The following CR1L variants were observed in gnomAD, a reference collection of about 807,000 sequenced individuals.
The protein encoded by CR1L is complement C3b/C4b receptor 1 like.
A neutral mutation model predicts 62.3 loss-of-function variants in CR1L; 59 were observed. That is an observed-to-expected ratio of 0.95 (90% CI 0.77 to 1.18). The LOEUF is 1.18. Ranked by LOEUF, CR1L falls within the 50% of genes most tolerant of loss-of-function variation. The probability of loss-of-function intolerance (pLI) is 0.00; values close to 1 mark genes in which losing one functional copy is unlikely to be tolerated. For synonymous variants in CR1L, 279 were observed against 248.7 expected (o/e 1.12, Z -1.15); for missense variants, 700 against 702.8 (o/e 1.00, Z 0.04).
At chr1:207,669,575 TGGGGGGCGTG>T in intron 1 of CR1L, 2 of 1,486,510 alleles carry the variant, frequency 1.3e-6, no homozygotes, top group Admixed American at 3.8e-5. Flanking sequence ...GGTGAAACGC[TGGGGGGCGTG>T]GGGAGGCGCC....
chr1:207,691,343 CA>C (rs1663994357), intron 4 of CR1L, among the ~76,000 whole-genome samples: 1 of 151,766 alleles, frequency 6.6e-6, no homozygotes, highest in South Asian at 2.1e-4. Context: ...ATATATATTT[CA>C]AATCTTTTAC....
At chr1:207,663,541 C>A (rs911597507) in intron 1 of CR1L, among the ~76,000 whole-genome samples, 4 of 152,218 alleles carry the variant, frequency 2.6e-5, no homozygotes, top group African/African-American at 7.2e-5. Context: ...TGCCATCTGT[C>A]ACCCCTTTCT....
intron 1 of CR1L, among the ~76,000 whole-genome samples, chr1:207,654,870 C>G (rs957346088): frequency 9.8e-5 from 15 of 152,290 alleles, no homozygotes; most frequent in East Asian, 1.9e-4. Context: ...CTTGTCCTTA[C>G]TGAGCAAAGT....
intron 5 of CR1L, among the ~76,000 whole-genome samples, chr1:207,697,066 C>A (rs143923973): frequency 3.4e-4 from 52 of 152,180 alleles, no homozygotes; most frequent in African/African-American, 1.2e-3. Context: ...GATGGAGGGA[C>A]CTATTAGATG....
intron 4 of CR1L, among the ~76,000 whole-genome samples, chr1:207,690,589 G>T (rs1663981324): frequency 6.6e-6 from 1 of 152,214 alleles, no homozygotes; most frequent in South Asian, 2.1e-4. Flanking sequence ...TTATGGAGAA[G>T]CATGTGTAAA....
chr1:207,691,224 G>A (rs1663992629), intron 4 of CR1L, among the ~76,000 whole-genome samples: 1 of 152,070 alleles, frequency 6.6e-6, no homozygotes, highest in African/African-American at 2.4e-5. Flanking sequence ...TGAATTGACT[G>A]TTTTATCATA....
chr1:207,670,541 T>C lies in CR1L; in HGVS notation c.98-6848T>C, dbSNP rs1310542723. 2.6e-5 allele frequency among the ~76,000 whole-genome samples: 4 copies of C among 150,984 alleles called. 1 individual carries two copies. The highest frequency in any genetic ancestry group is 9.9e-5 in the African/African-American group (4 of 40,314). ...GTTGCCTAGACTCACTGGCAACATC[T>C]CACTTGAAGTGACAGTTTTGGTTGT... On this transcript the variant is annotated intron_variant, in intron 1 of 11. Coordinates refer to ENST00000508064, the MANE Select transcript of CR1L (RefSeq NM_175710.2).
At chr1:207,721,193 C>T (rs1030545977) in intron 11 of CR1L, among the ~76,000 whole-genome samples, 3 of 151,676 alleles carry the variant, frequency 2.0e-5, no homozygotes, top group Non-Finnish European at 4.4e-5. Flanking sequence ...TAACAAAGTA[C>T]CCTTTTTTTT....
intron 4 of CR1L, among the ~76,000 whole-genome samples, chr1:207,688,294 T>C (rs1663943880): frequency 6.6e-6 from 1 of 152,056 alleles, no homozygotes. Flanking sequence ...AGGCAATTGA[T>C]CTAATATCAT....
At chr1:207,689,487 G>A (rs1445699174) in intron 4 of CR1L, among the ~76,000 whole-genome samples, 1 of 151,938 alleles carries the variant, frequency 6.6e-6, no homozygotes, top group Non-Finnish European at 1.5e-5. Context: ...ATCATCCTTT[G>A]GAAATATTGC....
chr1:207,653,993 C>T (rs556284073), intron 1 of CR1L, among the ~76,000 whole-genome samples: 22 of 152,098 alleles, frequency 1.4e-4, no homozygotes, highest in Non-Finnish European at 2.8e-4. Flanking sequence ...GAGGGGCTCT[C>T]GCTTTATAAC....
chr1:207,711,563 G>A (rs1664357588), intron 10 of CR1L: 1 of 152,452 alleles, frequency 6.6e-6, no homozygotes, highest in Non-Finnish European at 1.5e-5. Flanking sequence ...CCCTTTCCAG[G>A]AAAGTTCTAA....
chr1:207,652,629 A>G, intron 1 of CR1L: 1 of 1,332,238 alleles, frequency 7.5e-7, no homozygotes, highest in South Asian at 1.2e-5. Context: ...GGGAACAAGT[A>G]GATTATAAGT....
intron 10 of CR1L, among the ~76,000 whole-genome samples, chr1:207,713,970 A>T (rs1653907606): frequency 6.6e-6 from 1 of 152,118 alleles, no homozygotes; most frequent in Non-Finnish European, 1.5e-5. Flanking sequence ...TGTTGCATGG[A>T]ATAACTTCCC....
At chr1:207,693,757 T>C (rs903571170) in intron 4 of CR1L, among the ~76,000 whole-genome samples, 6 of 152,164 alleles carry the variant, frequency 3.9e-5, no homozygotes. Flanking sequence ...GCTTATCTTT[T>C]TTTTTTTATT....
chr1:207,667,299 G>A (rs1446518159), intron 1 of CR1L, among the ~76,000 whole-genome samples: 1 of 152,174 alleles, frequency 6.6e-6, no homozygotes, highest in Non-Finnish European at 1.5e-5. Context: ...GAGTCTTACA[G>A]GATGAAAACC....
chr1:207,679,260 C>T (rs1226350922), intron 3 of CR1L, among the ~76,000 whole-genome samples: 3 of 151,340 alleles, frequency 2.0e-5, no homozygotes, highest in African/African-American at 7.3e-5. Context: ...ACCTCCCGGC[C>T]TCCCAAAGTG....
chr1:207,678,084 A>G, intron 2 of CR1L, 114 bp from the exon 3 acceptor site: 1 of 888,702 alleles, frequency 1.1e-6, no homozygotes, highest in Non-Finnish European at 1.8e-6. Flanking sequence ...AATCTGTGGA[A>G]CCATCAGAAC....
At chr1:207,682,023 C>T (rs1463888542) in intron 3 of CR1L, among the ~76,000 whole-genome samples, 1 of 152,024 alleles carries the variant, frequency 6.6e-6, no homozygotes, top group African/African-American at 2.4e-5. Flanking sequence ...GGCGGGATAG[C>T]ACTAGGAGAA....
Sources: gnomAD v4.1 joint callset for allele counts (sites outside exome capture counted in the v4.1 genomes callset) on GRCh38, gnomAD v4.1.1 for gene constraint, MANE v1.5 for transcripts, NCBI Gene and HGNC (gene_info 2026-07-23, HGNC 2026-07-21) for gene names.